The following UBE2D2 variants were observed in gnomAD, a reference collection of about 807,000 sequenced individuals.
The protein encoded by UBE2D2 is ubiquitin conjugating enzyme E2 D2.
Under a neutral mutation model 24.2 loss-of-function variants are expected in UBE2D2, and 2 were observed. The ratio of observed to expected loss-of-function variants is 0.08; its 90% CI spans 0.03 to 0.26. The LOEUF (loss-of-function observed/expected upper bound fraction) is 0.26. Among genes scored for constraint, UBE2D2 ranks in the 10% least tolerant of loss-of-function variants. UBE2D2 has a pLI of 1.00. For missense variants in UBE2D2, 44 were observed against 177.6 expected (o/e 0.25, Z 4.28); for synonymous variants, 58 against 56.5 (o/e 1.03, Z -0.12).
chr5:139,565,572 T>G (rs1359569925), intron 1 of UBE2D2, among the ~76,000 whole-genome samples: 1 of 152,170 alleles, frequency 6.6e-6, no homozygotes, highest in East Asian at 1.9e-4. Flanking sequence ...TCTCATCTGT[T>G]GTGGGCTAAG....
chr5:139,609,242 C>G (rs1754262063), intron 2 of UBE2D2, among the ~76,000 whole-genome samples: 1 of 152,020 alleles, frequency 6.6e-6, no homozygotes, highest in East Asian at 1.9e-4. Context: ...TTTTAATTGT[C>G]TCAATATTTT....
intron 1 of UBE2D2, among the ~76,000 whole-genome samples, chr5:139,538,579 A>G (rs1209684933): frequency 6.6e-6 from 1 of 152,122 alleles, no homozygotes; most frequent in Non-Finnish European, 1.5e-5. Context: ...ATATATATAT[A>G]TAAAACAGAG....
chr5:139,592,532 CTGTGT>C (rs1753865734), intron 1 of UBE2D2, among the ~76,000 whole-genome samples: 1 of 150,570 alleles, frequency 6.6e-6, no homozygotes, highest in South Asian at 2.1e-4. Flanking sequence ...GGTGATCCTG[CTGTGT>C]CAGTATCTCA....
intron 1 of UBE2D2, among the ~76,000 whole-genome samples, chr5:139,590,779 C>A (rs374521579): frequency 8.9e-5 from 5 of 56,044 alleles, no homozygotes; most frequent in African/African-American, 3.5e-4. Context: ...ATTTTCTCTT[C>A]TTCTTTTTTT....
chr5:139,540,993 CAA>C lies in UBE2D2; in HGVS notation c.-64+14392_-64+14393del, dbSNP rs969269701. Among the ~76,000 whole-genome samples the C allele has an allele frequency of 8.8e-4, 121 of 137,108 alleles. 1 individual carries two copies. In the East Asian group the frequency reaches 0.025, roughly 28 times the overall value. The allele number at this position is 137,108 out of a possible 152,430, so 89.9% of individuals were successfully genotyped here. A position where few individuals can be genotyped will look rare whatever the true frequency, so the allele number is the denominator to read the frequency against. ...GGGCGACAAGAGCAAAACTCAGTCT[CAA>C]AAAAAAAAAAGTCTGGATGCAGCTG... On this transcript the variant is annotated intron_variant, in intron 1 of 6. Transcript: ENST00000511725.
At chr5:139,535,120 T>A (rs1752650974) in intron 1 of UBE2D2, among the ~76,000 whole-genome samples, 1 of 148,788 alleles carries the variant, frequency 6.7e-6, no homozygotes, top group Non-Finnish European at 1.5e-5. Flanking sequence ...CCAGCCTGGG[T>A]GACAAAGTGA....
At chr5:139,548,171 A>AAAAAAAAAAAAAAAAAAAAAC (rs1752858538) in intron 1 of UBE2D2, among the ~76,000 whole-genome samples, 1 of 38,890 alleles carries the variant, frequency 2.6e-5, no homozygotes, top group Non-Finnish European at 4.3e-5. Flanking sequence ...CTCAAAAAAA[A>AAAAAAAAAAAAAAAAAAAAAC]AAAAAAAAAA....
rs190434787 is a variant in UBE2D2 at position 139,603,554 on chromosome 5, G to A, written c.88+3119G>A. Among the ~76,000 whole-genome samples, 1,123 of 150,092 alleles carry A rather than the reference G, an allele frequency of 7.5e-3. 5 individuals are homozygous for A. The highest frequency in any genetic ancestry group is 0.012 in the Non-Finnish European group (783 of 67,474). On this transcript the variant is annotated intron_variant, in intron 2 of 6. Transcript: ENST00000398733. ...AGGAGAATCGTTGGAACTGGGAGGC[G>A]GAGGTTGTGGTGAGCCGAGATCCCG... is the stretch of plus-strand genomic sequence containing the variant.
intron 1 of UBE2D2, among the ~76,000 whole-genome samples, chr5:139,545,809 C>T (rs1163888726): frequency 6.6e-6 from 1 of 151,782 alleles, no homozygotes; most frequent in Non-Finnish European, 1.5e-5. Flanking sequence ...CTGTAACCTC[C>T]ATCTCCCAGG....
intron 1 of UBE2D2, among the ~76,000 whole-genome samples, chr5:139,546,205 G>A (rs261538): frequency 0.31 from 47,020 of 150,244 alleles, 8,837 homozygotes; most frequent in African/African-American, 0.53. Context: ...CACCATGCCC[G>A]TCTAATTTTT....
chr5:139,556,460 CAAATT>C (rs1031412820), upstream of UBE2D2, among the ~76,000 whole-genome samples: 13 of 150,958 alleles, frequency 8.6e-5, no homozygotes, highest in African/African-American at 1.2e-4. Context: ...AGAAAAATAA[CAAATT>C]AAAGTAGGTA....
intron 1 of UBE2D2, among the ~76,000 whole-genome samples, chr5:139,549,038 C>T (rs1316730630): frequency 6.6e-6 from 1 of 151,894 alleles, no homozygotes; most frequent in Non-Finnish European, 1.5e-5. Flanking sequence ...TTAGTAGAGA[C>T]GGGGTTTTGC....
At chr5:139,582,740 G>A (rs929029613) in intron 1 of UBE2D2, among the ~76,000 whole-genome samples, 5 of 145,130 alleles carry the variant, frequency 3.4e-5, no homozygotes, top group South Asian at 2.2e-4. Flanking sequence ...GCTCAATCTC[G>A]GCTCACTGCA....
chr5:139,590,025 C>A (rs1753811217), intron 1 of UBE2D2, among the ~76,000 whole-genome samples: 1 of 152,044 alleles, frequency 6.6e-6, no homozygotes, highest in Non-Finnish European at 1.5e-5. Flanking sequence ...ACCTTGTGGT[C>A]CGTCCTCCTT....
At chr5:139,599,154 C>T (rs918324710) in intron 1 of UBE2D2, among the ~76,000 whole-genome samples, 6 of 151,512 alleles carry the variant, frequency 4.0e-5, no homozygotes, top group African/African-American at 9.7e-5. Flanking sequence ...AGGCTGGTCT[C>T]GAACTCCTGA....
Position 139,561,779 on chromosome 5 carries a change from C to G in UBE2D2, c.-13C>G, listed in dbSNP as rs766172705. The G allele has an allele frequency of 8.7e-6, 13 of 1,499,150 alleles. No homozygotes were observed. In the African/African-American group the frequency reaches 1.3e-4, roughly 15 times the overall value. The allele number at this position is 1,499,150 out of a possible 1,614,324, so 92.9% of individuals were successfully genotyped here. ...GTCCCCGCCCCGGGGGCCGCCGCCACCCGCCTCCCACCATGGCTCTGAAGA... is the reference window on the plus strand; with the variant it reads ...GTCCCCGCCCCGGGGGCCGCCGCCAGCCGCCTCCCACCATGGCTCTGAAGA... On this transcript the variant is annotated 5_prime_UTR_variant, in exon 1 of 7. Coordinates refer to ENST00000398733, the MANE Select transcript of UBE2D2 (RefSeq NM_003339.3).
At chr5:139,577,404 CTTTTTTTTTTTTT>C (rs869189901) in intron 1 of UBE2D2, among the ~76,000 whole-genome samples, 6 of 69,108 alleles carry the variant, frequency 8.7e-5, no homozygotes, top group Non-Finnish European at 1.6e-4. Context: ...TAGCATCTCT[CTTTTTTTTTTTTT>C]TTTTTTTTTT....
chr5:139,547,932 T>G (rs1200234036), intron 1 of UBE2D2, among the ~76,000 whole-genome samples: 1 of 151,824 alleles, frequency 6.6e-6, no homozygotes, highest in Non-Finnish European at 1.5e-5. Context: ...CCACCTCAGG[T>G]GATCTGCCAG....
intron 1 of UBE2D2, among the ~76,000 whole-genome samples, chr5:139,573,243 A>C (rs1046394990): frequency 6.6e-6 from 1 of 151,400 alleles, no homozygotes; most frequent in African/African-American, 2.4e-5. Context: ...CGGAACTTGC[A>C]GTGAGCCGAG....
Sources: allele counts gnomAD v4.1 joint callset (sites outside exome capture counted in the v4.1 genomes callset), GRCh38; gene constraint gnomAD v4.1.1; transcripts MANE v1.5; gene names NCBI Gene and HGNC (gene_info 2026-07-23, HGNC 2026-07-21).